NCALD: variants seen among roughly 807,000 people sequenced by gnomAD.
NCALD encodes the protein neurocalcin-delta.
NCALD carries 10 observed loss-of-function variants against 18.6 expected under a neutral mutation model. The observed-to-expected ratio is 0.54, with a 90% CI of 0.33 to 0.91. The LOEUF is 0.91. Ranked by LOEUF, NCALD falls within the 40% of genes least tolerant of loss-of-function variation. NCALD has a pLI of 0.03. For missense variants in NCALD, 184 were observed against 247.6 expected, an observed-to-expected ratio of 0.74 and a Z score of 1.72; for synonymous variants, 88 against 87.4, an observed-to-expected ratio of 1.01 and a Z score of -0.04.
chr8:101,901,557 A>G (rs1817423430), intron 3 of NCALD, among the ~76,000 whole-genome samples: 1 of 152,004 alleles, frequency 6.6e-6, no homozygotes, highest in African/African-American at 2.4e-5. Flanking sequence ...TCTCCTTATT[A>G]TAATAAATAT....
At chr8:101,845,446 T>C (rs1314371509) in intron 4 of NCALD, among the ~76,000 whole-genome samples, 1 of 152,166 alleles carries the variant, frequency 6.6e-6, no homozygotes, top group Non-Finnish European at 1.5e-5. Context: ...ATGGATATTA[T>C]GGGATGACTA....
intron 3 of NCALD, among the ~76,000 whole-genome samples, chr8:101,905,744 C>A (rs950592306): frequency 6.6e-6 from 1 of 152,190 alleles, no homozygotes; most frequent in Non-Finnish European, 1.5e-5. Flanking sequence ...GCATCCAGAA[C>A]CTTCAATGAG....
chr8:101,760,456 C>T (rs1811065481), intron 1 of NCALD, among the ~76,000 whole-genome samples: 1 of 152,162 alleles, frequency 6.6e-6, no homozygotes, highest in Admixed American at 6.5e-5. Flanking sequence ...GAAGGGACCT[C>T]CATTCATCCT....
chr8:102,085,179 T>C (rs1334700931), intron 1 of NCALD, among the ~76,000 whole-genome samples: 1 of 152,182 alleles, frequency 6.6e-6, no homozygotes, highest in African/African-American at 2.4e-5. Context: ...GGCCAGGTAA[T>C]TGTTTGTTGT....
Position 101,688,916 on chromosome 8 carries a change from G to C in NCALD, c.*393C>G, listed in dbSNP as rs895319711. ...GCACGTGTGACAACAGATTCAGGTG[G>C]GGAGTTTTGTCTTTCAAACAAAAGC... is the stretch of plus-strand genomic sequence containing the variant. On this transcript the variant is annotated 3_prime_UTR_variant, in exon 4 of 4. Coordinates refer to ENST00000220931, the MANE Select transcript of NCALD (RefSeq NM_032041.3). 1.6e-6 allele frequency: 1 copy of C among 625,022 alleles called. No homozygotes were observed. Among genetic ancestry groups the C allele is most frequent in the Non-Finnish European group, 2.8e-6 (1 of 352,410 alleles). The allele number at this position is 625,022 out of a possible 1,614,324, so 38.7% of individuals were successfully genotyped here.
Position 101,974,410 on chromosome 8 carries a change from C to T in NCALD, c.-157+45827G>A, listed in dbSNP as rs143604194. Among the ~76,000 whole-genome samples the T allele has an allele frequency of 2.0e-5, 3 of 152,240 alleles. No homozygotes were observed. The East Asian group carries it at 5.8e-4, about 29-fold the overall frequency. On this transcript the variant is annotated intron_variant, in intron 2 of 6. Transcript: ENST00000311028. ...CCAGCTAAAAGATTACTGCCCCAAA[C>T]CCCCTTCTATGTGGAAATTCTGGAG...
chr8:101,966,035 G>A (rs550527284), intron 2 of NCALD, among the ~76,000 whole-genome samples: 12 of 151,830 alleles, frequency 7.9e-5, no homozygotes, highest in Admixed American at 2.0e-4. Flanking sequence ...TGATTATGAC[G>A]AAGAGCTAAT....
rs145675689 is a variant in NCALD, at chr8:101,929,146, C to T, written c.-156-13288G>A. On this transcript the variant is annotated intron_variant, in intron 2 of 6. Transcript: ENST00000311028. ...TCATATACATAAAATGTTTTCCCCT[C>T]GATTCTGAGAATGTGAACAGGAGCA... 5.0e-3 allele frequency among the ~76,000 whole-genome samples: 753 copies of T among 150,012 alleles called. 1 individual carries two copies. Among genetic ancestry groups the T allele is most frequent in the South Asian group, 9.2e-3 (43 of 4,666 alleles).
At position 102,044,230 on chromosome 8, in the gene NCALD, T is replaced by C. The variant is rs1159488795; in HGVS notation, c.-209-23941A>G. Among the ~76,000 whole-genome samples, 3 of 151,970 alleles carry C rather than the reference T, an allele frequency of 2.0e-5. No homozygotes were observed. The East Asian group carries it at 5.8e-4, about 29-fold the overall frequency. The stretch of plus-strand genomic sequence containing the variant: ...AGACTGGAAGAAACAGAAGAAGAAT[T>C]TGGAAAGATAATTGGAGATGCTGTA... On this transcript the variant is annotated intron_variant, in intron 1 of 6. Transcript: ENST00000311028.
At chr8:101,932,692 C>T (rs1818622452) in intron 2 of NCALD, among the ~76,000 whole-genome samples, 1 of 152,158 alleles carries the variant, frequency 6.6e-6, no homozygotes, top group South Asian at 2.1e-4. Flanking sequence ...ACCCAGCTGC[C>T]TCACATCTCC....
intron 4 of NCALD, among the ~76,000 whole-genome samples, chr8:101,882,680 G>T (rs1156820972): frequency 6.6e-6 from 1 of 152,172 alleles, no homozygotes; most frequent in East Asian, 1.9e-4. Flanking sequence ...GCCTCCCTTT[G>T]ATATAATGAA....
intron 3 of NCALD, among the ~76,000 whole-genome samples, chr8:101,905,137 A>G (rs1389937589): frequency 6.6e-6 from 1 of 152,146 alleles, no homozygotes; most frequent in East Asian, 1.9e-4. Flanking sequence ...TGACAATCCT[A>G]CCACAGTTGT....
At chr8:101,933,877 G>A (rs1394646965) in intron 2 of NCALD, among the ~76,000 whole-genome samples, 2 of 152,160 alleles carry the variant, frequency 1.3e-5, no homozygotes, top group East Asian at 1.9e-4. Flanking sequence ...TCATTAGCAC[G>A]TAAGTGATGG....
chr8:101,955,227 A>G (rs1311066040), intron 2 of NCALD, among the ~76,000 whole-genome samples: 3 of 152,224 alleles, frequency 2.0e-5, no homozygotes, highest in African/African-American at 7.2e-5. Flanking sequence ...AAGTCCCTAG[A>G]CCTAGTTTTA....
intron 1 of NCALD, among the ~76,000 whole-genome samples, chr8:101,733,066 C>T (rs966837162): frequency 6.6e-6 from 1 of 152,102 alleles, no homozygotes; most frequent in Admixed American, 6.5e-5. Flanking sequence ...CCAGAACCAT[C>T]CTCTTCACCC....
At chr8:102,026,701 C>T (rs561708725) in intron 1 of NCALD, among the ~76,000 whole-genome samples, 8 of 152,278 alleles carry the variant, frequency 5.3e-5, no homozygotes, top group South Asian at 4.2e-4. Context: ...AGAATGGTGG[C>T]TCTCTTCTCA....
chr8:101,863,021 C>T (rs1262879812), intron 4 of NCALD, among the ~76,000 whole-genome samples: 1 of 152,202 alleles, frequency 6.6e-6, no homozygotes, highest in East Asian at 1.9e-4. Context: ...TAAGTCCTCA[C>T]AGCTCCTGAG....
intron 1 of NCALD, among the ~76,000 whole-genome samples, chr8:101,737,412 C>T (rs1487779063): frequency 6.6e-6 from 1 of 152,166 alleles, no homozygotes; most frequent in African/African-American, 2.4e-5. Flanking sequence ...TTAAGGCTCC[C>T]CACCTGTTCA....
At chr8:102,016,836 A>G (rs1403577737) in intron 2 of NCALD, among the ~76,000 whole-genome samples, 1 of 152,174 alleles carries the variant, frequency 6.6e-6, no homozygotes, top group East Asian at 1.9e-4. Flanking sequence ...AACAAAAACA[A>G]AAAAACCCTC....
Sources: allele counts gnomAD v4.1 joint callset (sites outside exome capture counted in the v4.1 genomes callset), GRCh38; gene constraint gnomAD v4.1.1; transcripts MANE v1.5; gene names NCBI Gene and HGNC (gene_info 2026-07-23, HGNC 2026-07-21).